The following CACNA2D3 variants were observed in gnomAD, a reference collection of about 807,000 sequenced individuals.
CACNA2D3 encodes calcium voltage-gated channel auxiliary subunit alpha2delta 3.
Under a neutral mutation model 160.6 loss-of-function variants are expected in CACNA2D3, and 60 were observed. That is an observed-to-expected ratio of 0.37 (90% CI 0.30 to 0.46). The LOEUF (loss-of-function observed/expected upper bound fraction) is 0.46. CACNA2D3 is among the 20% of genes least tolerant of loss of function. CACNA2D3 has a pLI of 1.00. For missense variants in CACNA2D3, 1,205 were observed against 1,365.0 expected, an observed-to-expected ratio of 0.88 and a Z score of 1.85; for synonymous variants, 558 against 492.9, an observed-to-expected ratio of 1.13 and a Z score of -1.75.
At chr3:54,276,038 A>G (rs976548239) in intron 2 of CACNA2D3, among the ~76,000 whole-genome samples, 1 of 152,150 alleles carries the variant, frequency 6.6e-6, no homozygotes, top group Admixed American at 6.5e-5. Context: ...ATTCAGTGCA[A>G]GGTTATTAAA....
chr3:54,544,374 A>G (rs1702028454), intron 5 of CACNA2D3, among the ~76,000 whole-genome samples: 1 of 144,922 alleles, frequency 6.9e-6, no homozygotes, highest in Admixed American at 6.9e-5. Context: ...CAATCTTCTG[A>G]TCTTACAGTG....
intron 11 of CACNA2D3, among the ~76,000 whole-genome samples, chr3:54,662,779 T>C (rs1051666601): frequency 2.6e-5 from 4 of 152,208 alleles, no homozygotes; most frequent in Non-Finnish European, 5.9e-5. Context: ...AAGGGAAATA[T>C]CTTCTCAGTG....
At chr3:54,235,484 C>A (rs1205169326) in intron 2 of CACNA2D3, among the ~76,000 whole-genome samples, 1 of 152,164 alleles carries the variant, frequency 6.6e-6, no homozygotes, top group East Asian at 1.9e-4. Flanking sequence ...CACTTTTAAA[C>A]AACCAGACCT....
intron 9 of CACNA2D3, among the ~76,000 whole-genome samples, chr3:54,618,422 C>T (rs931020417): frequency 7.1e-6 from 1 of 140,440 alleles, no homozygotes; most frequent in Non-Finnish European, 1.5e-5. Flanking sequence ...CAGTGCCTTA[C>T]AGGGTATTTG....
chr3:54,707,675 T>C (rs142934280), intron 11 of CACNA2D3, among the ~76,000 whole-genome samples: 34 of 152,280 alleles, frequency 2.2e-4, no homozygotes, highest in African/African-American at 7.5e-4. Flanking sequence ...GATAAAGCCT[T>C]TGAGTAAGGC....
At chr3:55,051,153 G>A (rs898710049) in intron 35 of CACNA2D3, among the ~76,000 whole-genome samples, 3 of 152,200 alleles carry the variant, frequency 2.0e-5, no homozygotes, top group East Asian at 3.9e-4. Flanking sequence ...GTGAGGAACT[G>A]TGTTCCTTTG....
At chr3:54,185,973 A>T (rs547142720) in intron 2 of CACNA2D3, among the ~76,000 whole-genome samples, 27 of 152,238 alleles carry the variant, frequency 1.8e-4, no homozygotes, top group Admixed American at 1.3e-3. Context: ...CCAGGACAGC[A>T]TGTGGTTTGC....
At chr3:54,737,844 T>C (rs188974604) in intron 11 of CACNA2D3, among the ~76,000 whole-genome samples, 1 of 152,330 alleles carries the variant, frequency 6.6e-6, no homozygotes, top group East Asian at 1.9e-4. Context: ...TGTTGTACTT[T>C]TGTTAGAGAC....
intron 13 of CACNA2D3, among the ~76,000 whole-genome samples, chr3:54,804,439 A>G (rs138133345): frequency 0.031 from 4,691 of 152,266 alleles, 250 homozygotes; most frequent in African/African-American, 0.11. Flanking sequence ...TAAACCAACA[A>G]AGATCAAAAG....
chr3:54,849,571 T>C (rs1282060997), intron 17 of CACNA2D3, among the ~76,000 whole-genome samples: 1 of 152,194 alleles, frequency 6.6e-6, no homozygotes. Context: ...TGGCCAGAGC[T>C]CTCAGGCATG....
chr3:54,280,715 C>G (rs183403743), intron 2 of CACNA2D3, among the ~76,000 whole-genome samples: 1 of 152,138 alleles, frequency 6.6e-6, no homozygotes, highest in Non-Finnish European at 1.5e-5. Context: ...CTCTTGTGCC[C>G]TTTGATCTCT....
At chr3:54,504,637 C>T (rs1434462453) in intron 5 of CACNA2D3, among the ~76,000 whole-genome samples, 1 of 152,126 alleles carries the variant, frequency 6.6e-6, no homozygotes, top group Non-Finnish European at 1.5e-5. Context: ...ATGGAATCTT[C>T]AAAGTAAAAA....
At chr3:54,643,082 C>T (rs1187512245) in intron 11 of CACNA2D3, among the ~76,000 whole-genome samples, 1 of 151,316 alleles carries the variant, frequency 6.6e-6, no homozygotes, top group African/African-American at 2.4e-5. Flanking sequence ...CTGGGGGTAT[C>T]ACAAAGGTGT....
intron 14 of CACNA2D3, among the ~76,000 whole-genome samples, chr3:54,827,648 T>C (rs1201822704): frequency 6.6e-6 from 1 of 152,102 alleles, no homozygotes; most frequent in South Asian, 2.1e-4. Context: ...ACAGGCAAAA[T>C]ACACAAAGAT....
At chr3:54,733,277 C>T (rs531257578) in intron 11 of CACNA2D3, among the ~76,000 whole-genome samples, 4 of 152,184 alleles carry the variant, frequency 2.6e-5, no homozygotes, top group Admixed American at 1.3e-4. Flanking sequence ...GAGTTACCCA[C>T]GTCACTTGGC....
intron 2 of CACNA2D3, among the ~76,000 whole-genome samples, chr3:54,198,804 C>T (rs11928989): frequency 0.28 from 42,244 of 152,216 alleles, 6,884 homozygotes; most frequent in Non-Finnish European, 0.35. Flanking sequence ...TGCAGCTAGA[C>T]GCTGAGTGCA....
intron 2 of CACNA2D3, among the ~76,000 whole-genome samples, chr3:54,296,979 T>C (rs529699983): frequency 6.0e-4 from 91 of 152,330 alleles, no homozygotes; most frequent in African/African-American, 2.1e-3. Context: ...CCTCAGGGAA[T>C]ACCTCCTCCA....
In CACNA2D3 at chr3:54,480,262, A is replaced by G. The variant is rs928295623; in HGVS notation, c.382-23230A>G. Among the ~76,000 whole-genome samples the G allele has an allele frequency of 3.9e-5, 6 of 152,266 alleles. No individual in the cohort carries two copies. In the East Asian group the frequency reaches 1.2e-3, roughly 29 times the overall value. Reference sequence around the variant, plus strand: ...TTCCTCCTCAAATAATTGCACTGAAATCACTGACCCTCAGGATGTATTTCT... The same window carrying G: ...TTCCTCCTCAAATAATTGCACTGAAGTCACTGACCCTCAGGATGTATTTCT... On this transcript the variant is annotated intron_variant, in intron 4 of 37. Transcript: ENST00000474759.
chr3:54,575,137 G>A (rs17731375), intron 8 of CACNA2D3, among the ~76,000 whole-genome samples: 5 of 152,152 alleles, frequency 3.3e-5, no homozygotes, highest in Non-Finnish European at 7.3e-5. Context: ...TCAAAATAAT[G>A]TGTGTTCATC....
Sources: allele counts gnomAD v4.1 joint callset (sites outside exome capture counted in the v4.1 genomes callset), GRCh38; gene constraint gnomAD v4.1.1; transcripts MANE v1.5; gene names NCBI Gene and HGNC (gene_info 2026-07-23, HGNC 2026-07-21).